Variants in BRINP3 observed in about 807,000 individuals in gnomAD.
BRINP3 encodes BMP/retinoic acid-inducible neural-specific protein 3.
BRINP3 carries 19 observed loss-of-function variants against 71.0 expected under a neutral mutation model. That is an observed-to-expected ratio of 0.27 (90% CI 0.19 to 0.39). The LOEUF (loss-of-function observed/expected upper bound fraction) is 0.39. Among genes scored for constraint, BRINP3 ranks in the 10% least tolerant of loss-of-function variants. The pLI is 1.00. For synonymous variants in BRINP3, 380 were observed against 337.7 expected (o/e 1.13, Z -1.37); for missense variants, 959 against 940.8 (o/e 1.02, Z -0.25).
chr1:190,378,282 C>G (rs1175849396), intron 2 of BRINP3, among the ~76,000 whole-genome samples: 3 of 152,042 alleles, frequency 2.0e-5, no homozygotes, highest in Non-Finnish European at 4.4e-5. Flanking sequence ...AGAAAAAAAA[C>G]AAAAATGCTG....
chr1:190,152,531 A>ACCCCCC (rs71123074), intron 7 of BRINP3, among the ~76,000 whole-genome samples: 18 of 84,670 alleles, frequency 2.1e-4, no homozygotes, highest in Admixed American at 4.5e-4. Context: ...ATCTCCCCCA[A>ACCCCCC]CCCCCCCCCC....
intron 4 of BRINP3, among the ~76,000 whole-genome samples, chr1:190,240,994 A>C (rs1280519864): frequency 6.6e-6 from 1 of 151,846 alleles, no homozygotes; most frequent in Non-Finnish European, 1.5e-5. Flanking sequence ...GCCCATCATA[A>C]AATTGCAGGG....
chr1:190,137,167 C>T (rs982488527), intron 7 of BRINP3, among the ~76,000 whole-genome samples: 3 of 151,920 alleles, frequency 2.0e-5, no homozygotes, highest in Admixed American at 2.0e-4. Context: ...CTCTAGACTC[C>T]ACTGAAGGAG....
At chr1:190,167,564 T>C (rs1228676628) in intron 6 of BRINP3, among the ~76,000 whole-genome samples, 1 of 152,166 alleles carries the variant, frequency 6.6e-6, no homozygotes, top group Non-Finnish European at 1.5e-5. Context: ...CTGTGCTAAA[T>C]AAATCTTTCA....
intron 4 of BRINP3, among the ~76,000 whole-genome samples, chr1:190,250,930 C>T (rs564058604): frequency 6.6e-6 from 1 of 151,708 alleles, no homozygotes; most frequent in African/African-American, 2.4e-5. Context: ...AAGGAGTATA[C>T]CCTTAACTTG....
chr1:190,449,066 G>T (rs1675429960), intron 2 of BRINP3, among the ~76,000 whole-genome samples: 1 of 151,726 alleles, frequency 6.6e-6, no homozygotes, highest in Non-Finnish European at 1.5e-5. Context: ...TATAAACCTG[G>T]GTCACTTAAA....
chr1:190,466,746 T>C (rs2102688235), intron 1 of BRINP3, among the ~76,000 whole-genome samples: 1 of 151,754 alleles, frequency 6.6e-6, no homozygotes, highest in South Asian at 2.1e-4. Context: ...GTCTCTGTTT[T>C]ATACACTAAT....
intron 3 of BRINP3, among the ~76,000 whole-genome samples, chr1:190,278,428 G>C (rs2102925495): frequency 6.6e-6 from 1 of 151,640 alleles, no homozygotes; most frequent in Admixed American, 6.6e-5. Context: ...AACAGTGAAG[G>C]TTAAATGATA....
chr1:190,317,067 G>T (rs1265120990), intron 2 of BRINP3, among the ~76,000 whole-genome samples: 5 of 151,546 alleles, frequency 3.3e-5, no homozygotes, highest in Non-Finnish European at 7.4e-5. Flanking sequence ...AGCTACTCGG[G>T]AGGCTGAGAT....
intron 7 of BRINP3, among the ~76,000 whole-genome samples, chr1:190,099,356 A>G (rs1651491452): frequency 6.6e-6 from 1 of 151,980 alleles, no homozygotes; most frequent in Non-Finnish European, 1.5e-5. Flanking sequence ...TCCATTTATC[A>G]CTGCACAAAA....
chr1:190,203,800 T>TATATATATATAC (rs1558062007), intron 6 of BRINP3, among the ~76,000 whole-genome samples: 3 of 48,856 alleles, frequency 6.1e-5, no homozygotes, highest in African/African-American at 2.3e-4. Context: ...TATATATATA[T>TATATATATATAC]ATATATATAT....
chr1:190,418,085 A>T (rs1402635055), intron 2 of BRINP3, among the ~76,000 whole-genome samples: 1 of 152,168 alleles, frequency 6.6e-6, no homozygotes, highest in South Asian at 2.1e-4. Context: ...AATTCCTGAG[A>T]GATTTCAGCA....
intron 7 of BRINP3, among the ~76,000 whole-genome samples, chr1:190,128,540 A>G (rs1654271789): frequency 6.6e-6 from 1 of 151,798 alleles, no homozygotes; most frequent in Non-Finnish European, 1.5e-5. Flanking sequence ...CACAGAACTT[A>G]AATATCAACT....
At position 190,365,835 on chromosome 1, in the gene BRINP3, TAC is replaced by T. The variant is rs943252110; in HGVS notation, c.237-84087_237-84086del. ...ATATATATATATATATATATATATA[TAC>T]ACACACACATATATAATGTATATAT... On this transcript the variant is annotated intron_variant, in intron 2 of 7. Transcript: ENST00000367462. Among the ~76,000 whole-genome samples, 14 of 136,750 alleles carry T rather than the reference TAC, an allele frequency of 1.0e-4. No homozygotes were observed. In the East Asian group the frequency reaches 1.1e-3, roughly 10 times the overall value. The allele number at this position is 136,750 out of a possible 152,430, so 89.7% of individuals were successfully genotyped here.
chr1:190,240,888 A>G (rs1034348648), intron 4 of BRINP3, among the ~76,000 whole-genome samples: 1 of 149,210 alleles, frequency 6.7e-6, no homozygotes, highest in East Asian at 1.9e-4. Flanking sequence ...AAAAAAAAAA[A>G]AAAAAAAAAA....
chr1:190,350,739 T>C (rs1241941219), intron 2 of BRINP3, among the ~76,000 whole-genome samples: 2 of 151,818 alleles, frequency 1.3e-5, no homozygotes, highest in Non-Finnish European at 2.9e-5. Context: ...GGCAGGATCC[T>C]GATGGCCACC....
chr1:190,340,325 T>C (rs989280771), intron 2 of BRINP3, among the ~76,000 whole-genome samples: 1 of 151,966 alleles, frequency 6.6e-6, no homozygotes, highest in Non-Finnish European at 1.5e-5. Context: ...AAAGTCTTTA[T>C]TTGAGCTGCT....
intron 7 of BRINP3, among the ~76,000 whole-genome samples, chr1:190,127,297 T>C (rs1654164719): frequency 2.0e-5 from 3 of 151,878 alleles, no homozygotes; most frequent in Admixed American, 2.0e-4. Context: ...GAGAAACACC[T>C]AATAGAAATA....
chr1:190,471,575 C>T (rs1283364786), intron 1 of BRINP3, among the ~76,000 whole-genome samples: 3 of 151,266 alleles, frequency 2.0e-5, no homozygotes, highest in Non-Finnish European at 4.5e-5. Context: ...ACCAAAAATG[C>T]CGGATGTCAT....
Sources: allele counts gnomAD v4.1 joint callset (sites outside exome capture counted in the v4.1 genomes callset), GRCh38; gene constraint gnomAD v4.1.1; transcripts MANE v1.5; gene names NCBI Gene and HGNC (gene_info 2026-07-23, HGNC 2026-07-21).